The following DLG2 variants were observed in gnomAD, a reference collection of about 807,000 sequenced individuals.
DLG2 encodes disks large homolog 2.
DLG2 carries 45 observed loss-of-function variants against 132.5 expected under a neutral mutation model. The observed-to-expected ratio is 0.34, with a 90% CI of 0.27 to 0.44. DLG2 has a LOEUF of 0.44. Ranked by LOEUF, DLG2 falls within the 20% of genes least tolerant of loss-of-function variation. DLG2 has a pLI of 1.00. For missense variants in DLG2, 1,045 were observed against 1,196.9 expected (o/e 0.87, Z 1.87); for synonymous variants, 424 against 419.6 (o/e 1.01, Z -0.13).
chr11:85,201,075 C>A (rs2081421703), intron 4 of DLG2, among the ~76,000 whole-genome samples: 1 of 152,108 alleles, frequency 6.6e-6, no homozygotes, highest in Admixed American at 6.5e-5. Context: ...GCCCCTCCCA[C>A]TGCAGTTGAG....
chr11:85,181,244 A>ATG (rs2079676660), intron 4 of DLG2, among the ~76,000 whole-genome samples: 1 of 151,312 alleles, frequency 6.6e-6, no homozygotes, highest in South Asian at 2.1e-4. Flanking sequence ...GTGTATATAT[A>ATG]TGTGTATATA....
At chr11:85,342,766 C>A (rs1218484693) in intron 3 of DLG2, among the ~76,000 whole-genome samples, 1 of 152,080 alleles carries the variant, frequency 6.6e-6, no homozygotes, top group African/African-American at 2.4e-5. Flanking sequence ...ACAACAGCTA[C>A]AATGTCACTA....
intron 18 of DLG2, among the ~76,000 whole-genome samples, chr11:83,709,752 T>C (rs1388116001): frequency 6.6e-6 from 1 of 152,198 alleles, no homozygotes; most frequent in African/African-American, 2.4e-5. Flanking sequence ...GAACTTGATG[T>C]ATCTGGAAGT....
chr11:83,787,318 TTTTTG>T lies in DLG2; in HGVS notation c.1723-531_1723-527del, dbSNP rs1232276634. On this transcript the variant is annotated intron_variant, in intron 17 of 27. Coordinates refer to ENST00000376104, the MANE Select transcript of DLG2 (RefSeq NM_001142699.3). ...TTAGACAGCCTTAAGCCTTGTTTTT[TTTTTG>T]TTTTTTTTTTTTTTTTTAGACAGAG... Among the ~76,000 whole-genome samples, 39 of 91,764 alleles carry T rather than the reference TTTTTG, an allele frequency of 4.3e-4. 1 individual carries two copies. The highest frequency in any genetic ancestry group is 6.4e-4 in the Non-Finnish European group (31 of 48,378). 60.2% of individuals were successfully genotyped at this position (91,764 alleles called of 152,430 possible).
chr11:83,497,567 A>C (rs370072334), intron 21 of DLG2, among the ~76,000 whole-genome samples: 85 of 152,140 alleles, frequency 5.6e-4, no homozygotes, highest in Middle Eastern at 3.4e-3. Flanking sequence ...AAAACAAAAC[A>C]AAACCCACAT....
chr11:84,731,831 A>C (rs561932470), intron 6 of DLG2, among the ~76,000 whole-genome samples: 2 of 152,066 alleles, frequency 1.3e-5, no homozygotes, highest in Non-Finnish European at 2.9e-5. Context: ...GGTAATTTTC[A>C]ACATACGTAT....
intron 6 of DLG2, among the ~76,000 whole-genome samples, chr11:84,536,812 T>C (rs2099356572): frequency 6.6e-6 from 1 of 152,166 alleles, no homozygotes; most frequent in Non-Finnish European, 1.5e-5. Flanking sequence ...AAATAATACT[T>C]GAGTCCACAC....
In DLG2 at chr11:83,664,858, T is replaced by C. The variant is rs116932209; in HGVS notation, c.1826-31533A>G. Among the ~76,000 whole-genome samples the C allele has an allele frequency of 5.3e-5, 8 of 152,342 alleles. No homozygotes were observed. In the East Asian group the frequency reaches 1.5e-3, roughly 29 times the overall value. ...TCATGAAGCCAGCACTAACATTTAT[T>C]TAGCATTTAACTGAGTCCTGGAAGA... On this transcript the variant is annotated intron_variant, in intron 18 of 27. Coordinates refer to ENST00000376104, the MANE Select transcript of DLG2 (RefSeq NM_001142699.3).
rs565975134 is a variant in DLG2, at chr11:84,216,375, G to A, written c.573+34863C>T. ...TGCAAATTCCCTTTGACTGCATTAT[G>A]TAATATAACCAAAGGAATAACGCCA... On this transcript the variant is annotated intron_variant, in intron 8 of 27. Coordinates refer to ENST00000376104, the MANE Select transcript of DLG2 (RefSeq NM_001142699.3). 9.2e-5 allele frequency among the ~76,000 whole-genome samples: 14 copies of A among 152,192 alleles called. No homozygotes were observed. The South Asian group carries it at 2.9e-3, about 32-fold the overall frequency.
intron 8 of DLG2, among the ~76,000 whole-genome samples, chr11:84,168,306 C>T (rs1168933111): frequency 1.3e-5 from 2 of 152,202 alleles, no homozygotes; most frequent in Admixed American, 6.5e-5. Context: ...TACTCTTTGT[C>T]GTTTACATAG....
At chr11:83,792,246 A>C (rs1024490411) in intron 17 of DLG2, among the ~76,000 whole-genome samples, 2 of 152,192 alleles carry the variant, frequency 1.3e-5, no homozygotes, top group African/African-American at 4.8e-5. Flanking sequence ...TCTTGGTGAA[A>C]GGGTATATGC....
intron 5 of DLG2, among the ~76,000 whole-genome samples, chr11:85,122,631 C>T (rs2074454341): frequency 6.6e-6 from 1 of 151,910 alleles, no homozygotes; most frequent in Non-Finnish European, 1.5e-5. Flanking sequence ...AATCAATTAT[C>T]GATCTTATGA....
At chr11:84,743,987 G>T (rs2065031222) in intron 6 of DLG2, among the ~76,000 whole-genome samples, 1 of 152,146 alleles carries the variant, frequency 6.6e-6, no homozygotes, top group African/African-American at 2.4e-5. Flanking sequence ...GCCTCCCAAA[G>T]TACTGGAATT....
chr11:85,148,286 G>T, intron 5 of DLG2, among the ~76,000 whole-genome samples: 1 of 152,052 alleles, frequency 6.6e-6, no homozygotes. Context: ...GGACTGCTGG[G>T]TCAAATGGTA....
chr11:84,384,095 C>CTTT (rs200117797), intron 7 of DLG2, among the ~76,000 whole-genome samples: 1 of 122,134 alleles, frequency 8.2e-6, no homozygotes, highest in African/African-American at 3.0e-5. Flanking sequence ...CTCGATGACG[C>CTTT]TTTTTTTTTT....
At chr11:85,466,740 G>T (rs1346872232) in intron 3 of DLG2, among the ~76,000 whole-genome samples, 1 of 152,168 alleles carries the variant, frequency 6.6e-6, no homozygotes, top group Admixed American at 6.5e-5. Flanking sequence ...AAGTCAGGTA[G>T]CGTGGTGCCT....
At position 83,633,524 on chromosome 11, in the gene DLG2, C is replaced by T. The variant is rs550215097; in HGVS notation, c.1826-199G>A. Among the ~76,000 whole-genome samples the T allele has an allele frequency of 8.6e-5, 13 of 151,918 alleles. No homozygotes were observed. In the Middle Eastern group the frequency reaches 0.027, roughly 318 times the overall value. On this transcript the variant is annotated intron_variant, in intron 18 of 27. Transcript: ENST00000376104. ...AGGAAAATGATAAATCAGTTATTTC[C>T]CAAAACGTACCTGGAAAACACACCA...
At chr11:85,549,729 C>A (rs2076555048) in intron 3 of DLG2, among the ~76,000 whole-genome samples, 1 of 152,150 alleles carries the variant, frequency 6.6e-6, no homozygotes, top group Non-Finnish European at 1.5e-5. Context: ...TGATCAAAAC[C>A]CACCAAAATC....
chr11:84,648,895 T>G (rs2099678208), intron 6 of DLG2, among the ~76,000 whole-genome samples: 1 of 152,130 alleles, frequency 6.6e-6, no homozygotes, highest in African/African-American at 2.4e-5. Context: ...AAAAATTTTT[T>G]TCTTTATAAA....
Sources: gnomAD v4.1 joint callset for allele counts (sites outside exome capture counted in the v4.1 genomes callset) on GRCh38, gnomAD v4.1.1 for gene constraint, MANE v1.5 for transcripts, NCBI Gene and HGNC (gene_info 2026-07-23, HGNC 2026-07-21) for gene names.